ERBB4: variants seen among roughly 807,000 people sequenced by gnomAD.
ERBB4 encodes receptor tyrosine-protein kinase erbB-4.
A neutral mutation model predicts 158.0 loss-of-function variants in ERBB4; 42 were observed. The ratio of observed to expected loss-of-function variants is 0.27; its 90% confidence interval spans 0.21 to 0.34. ERBB4 has a LOEUF of 0.34. Among genes scored for constraint, ERBB4 ranks in the 10% least tolerant of loss-of-function variants. The pLI, the probability that ERBB4 is intolerant of heterozygous loss-of-function variation, is 1.00. For synonymous variants in ERBB4, 583 were observed against 558.7 expected (o/e 1.04, Z -0.61); for missense variants, 1,333 against 1,624.1 (o/e 0.82, Z 3.08).
chr2:212,117,481 T>C (rs1421802310), intron 2 of ERBB4, among the ~76,000 whole-genome samples: 18 of 152,130 alleles, frequency 1.2e-4, no homozygotes, highest in Admixed American at 2.0e-4. Flanking sequence ...ACTACTGTGC[T>C]CAATGAATAG....
intron 14 of ERBB4, among the ~76,000 whole-genome samples, chr2:211,665,680 G>C (rs2071605173): frequency 6.6e-6 from 1 of 152,142 alleles, no homozygotes; most frequent in Non-Finnish European, 1.5e-5. Flanking sequence ...GTTCAGTTTT[G>C]ATATCCTGTA....
At chr2:211,798,452 G>T (rs1223974040) in intron 3 of ERBB4, among the ~76,000 whole-genome samples, 1 of 151,952 alleles carries the variant, frequency 6.6e-6, no homozygotes, top group Admixed American at 6.6e-5. Flanking sequence ...GTGGTTGCAG[G>T]CAAATTACTT....
chr2:211,691,412 G>A (rs10192485), intron 12 of ERBB4, among the ~76,000 whole-genome samples: 89,847 of 151,990 alleles, frequency 0.59, 27,710 homozygotes, highest in African/African-American at 0.73. Flanking sequence ...TGTTTATTTT[G>A]AAAAATATTT....
intron 1 of ERBB4, among the ~76,000 whole-genome samples, chr2:212,139,270 A>T (rs1390300338): frequency 6.6e-6 from 1 of 152,068 alleles, no homozygotes; most frequent in Non-Finnish European, 1.5e-5. Context: ...TTCTACATTT[A>T]AGAGCAATAT....
intron 19 of ERBB4, among the ~76,000 whole-genome samples, chr2:211,597,805 G>C (rs2125806610): frequency 6.6e-6 from 1 of 152,062 alleles, no homozygotes; most frequent in African/African-American, 2.4e-5. Flanking sequence ...AAAATGATCA[G>C]TTGCTAAATG....
At chr2:212,431,148 C>T (rs1003490166) in intron 1 of ERBB4, among the ~76,000 whole-genome samples, 2 of 151,706 alleles carry the variant, frequency 1.3e-5, no homozygotes, top group Non-Finnish European at 2.9e-5. Flanking sequence ...AGGACGAATG[C>T]TACTCAGCCT....
In ERBB4 at chr2:211,430,970, T is replaced by G. The variant is rs770551183; in HGVS notation, c.2618A>C (p.Lys873Thr). 8 of 1,613,802 alleles carry G rather than the reference T, an allele frequency of 5.0e-6. No homozygotes were observed. The highest frequency in any genetic ancestry group is 4.0e-5 in the African/African-American group (3 of 74,916). Reference sequence around the variant, plus strand: ...CTTTCCTCCATCAGCATTGTACTCTTTTTCATCTCCTTCCAAGAGTCTGGC... The same window carrying G: ...CTTTCCTCCATCAGCATTGTACTCTGTTTCATCTCCTTCCAAGAGTCTGGC... Reference protein sequence around the residue: ...GLARLLEGDEKEYNADGGKMP... With the variant: ...GLARLLEGDETEYNADGGKMP... Residue 873 changes from lysine to threonine, a missense_variant, in exon 21 of 28, where the codon AAA (lysine) becomes ACA (threonine). This residue lies in a region of ERBB4 where 314 missense variants were observed against 437.6 expected (regional missense o/e 0.72). Transcript: ENST00000342788.
chr2:212,452,184 C>T (rs2092455790), intron 1 of ERBB4, among the ~76,000 whole-genome samples: 1 of 151,914 alleles, frequency 6.6e-6, no homozygotes. Flanking sequence ...TAAATCATGC[C>T]AGCCTAATGA....
Position 211,895,475 on chromosome 2 carries a change from T to C in ERBB4, c.421+51955A>G, listed in dbSNP as rs568680873. On this transcript the variant is annotated intron_variant, in intron 3 of 27. Coordinates refer to ENST00000342788, the MANE Select transcript of ERBB4 (RefSeq NM_005235.3). ...TTCTCACTTTTTTTCCTTCAGCTGG[T>C]CTAGAATTCCTGGCCTCAAGCCATC... 1.4e-4 allele frequency among the ~76,000 whole-genome samples: 22 copies of C among 152,102 alleles called. No homozygotes were observed. In the East Asian group the frequency reaches 3.9e-3, roughly 27 times the overall value.
intron 19 of ERBB4, among the ~76,000 whole-genome samples, chr2:211,593,072 G>A (rs919993792): frequency 8.6e-5 from 13 of 151,778 alleles, no homozygotes; most frequent in South Asian, 4.2e-4. Flanking sequence ...CTTGGCTCTC[G>A]TAGTGAGAAG....
intron 10 of ERBB4, among the ~76,000 whole-genome samples, chr2:211,704,958 G>GT (rs1263805077): frequency 6.6e-6 from 1 of 151,804 alleles, no homozygotes; most frequent in Non-Finnish European, 1.5e-5. Flanking sequence ...GTTTTGTTTT[G>GT]TTTTTTGTTG....
At chr2:211,394,109 C>T (rs1356842378) in intron 25 of ERBB4, among the ~76,000 whole-genome samples, 1 of 152,002 alleles carries the variant, frequency 6.6e-6, no homozygotes, top group Non-Finnish European at 1.5e-5. Context: ...CTAAATGAGT[C>T]AATAAAATGA....
chr2:212,189,726 G>A (rs911618581), intron 1 of ERBB4, among the ~76,000 whole-genome samples: 11 of 152,100 alleles, frequency 7.2e-5, no homozygotes, highest in African/African-American at 1.9e-4. Flanking sequence ...TCTTATTACA[G>A]GTCTTTAACC....
Position 211,383,504 on chromosome 2 carries a change from G to A in ERBB4, c.*111C>T, listed in dbSNP as rs1045301588. The A allele has an allele frequency of 6.1e-6, 5 of 820,102 alleles. No individual in the cohort carries two copies. In the African/African-American group the frequency reaches 8.4e-5, roughly 14 times the overall value. The allele number at this position is 820,102 out of a possible 1,614,324, so 50.8% of individuals were successfully genotyped here. Reference sequence around the variant, plus strand: ...ATTGCATCTCTGTATCTTCCACTGGGAAGTGTCAAAACTACTGGCCTTGGG... The same window carrying A: ...ATTGCATCTCTGTATCTTCCACTGGAAAGTGTCAAAACTACTGGCCTTGGG... On this transcript the variant is annotated 3_prime_UTR_variant, in exon 28 of 28. Transcript: ENST00000342788.
intron 1 of ERBB4, among the ~76,000 whole-genome samples, chr2:212,480,723 G>T (rs1475912796): frequency 6.6e-6 from 1 of 152,190 alleles, no homozygotes; most frequent in East Asian, 1.9e-4. Context: ...TATGGCATAT[G>T]CCTTGAGTAT....
chr2:211,549,333 T>G (rs151070828), intron 20 of ERBB4, among the ~76,000 whole-genome samples: 1 of 151,630 alleles, frequency 6.6e-6, no homozygotes, highest in African/African-American at 2.4e-5. Context: ...AAAAGGCTAG[T>G]TTCTTTAAGA....
At chr2:211,394,527 C>CAAAG (rs1437127639) in intron 25 of ERBB4, among the ~76,000 whole-genome samples, 6 of 152,148 alleles carry the variant, frequency 3.9e-5, no homozygotes, top group Admixed American at 3.9e-4. Context: ...AGGAGTTTCT[C>CAAAG]AAAGACTTCT....
chr2:211,869,492 A>AT (rs1404749474), intron 3 of ERBB4, among the ~76,000 whole-genome samples: 1 of 152,122 alleles, frequency 6.6e-6, no homozygotes, highest in East Asian at 1.9e-4. Context: ...ACCTAGCAGA[A>AT]TTATGGTCTG....
At chr2:212,405,741 G>C (rs550860821) in intron 1 of ERBB4, among the ~76,000 whole-genome samples, 46 of 152,110 alleles carry the variant, frequency 3.0e-4, no homozygotes, top group African/African-American at 9.6e-4. Context: ...TGGCTCCTAG[G>C]GAGCAGCCAC....
Sources: gnomAD v4.1 joint callset for allele counts (sites outside exome capture counted in the v4.1 genomes callset) on GRCh38, gnomAD v4.1.1 for gene constraint, gnomAD v4.1.1 regional missense constraint, MANE v1.5 for transcripts, NCBI Gene and HGNC (gene_info 2026-07-23, HGNC 2026-07-21) for gene names.